Variants in AUTS2 observed in about 807,000 individuals in gnomAD.
AUTS2 encodes autism susceptibility gene 2 protein.
A neutral mutation model predicts 112.4 loss-of-function variants in AUTS2; 17 were observed. That is an observed-to-expected ratio of 0.15 (90% confidence interval 0.10 to 0.23). The LOEUF (loss-of-function observed/expected upper bound fraction) is 0.23, where lower values mean the gene tolerates loss of function less well. Ranked by LOEUF, AUTS2 falls within the 10% of genes least tolerant of loss-of-function variation. The probability of loss-of-function intolerance (pLI) is 1.00; values close to 1 mark genes in which losing one functional copy is unlikely to be tolerated. For synonymous variants in AUTS2, 751 were observed against 702.7 expected (o/e 1.07, Z -1.09); for missense variants, 1,510 against 1,701.6 (o/e 0.89, Z 1.98).
intron 4 of AUTS2, among the ~76,000 whole-genome samples, chr7:70,157,816 G>T (rs1807863222): frequency 6.6e-6 from 1 of 152,148 alleles, no homozygotes; most frequent in Non-Finnish European, 1.5e-5. Flanking sequence ...TGGGGACTTT[G>T]AAAATTCCAC....
At chr7:70,634,962 G>A (rs569081028) in intron 5 of AUTS2, among the ~76,000 whole-genome samples, 42 of 152,194 alleles carry the variant, frequency 2.8e-4, no homozygotes, top group African/African-American at 9.2e-4. Context: ...CTGAGTAACC[G>A]GAGCCTTGAA....
At chr7:69,821,693 C>T (rs1193848024) in intron 1 of AUTS2, among the ~76,000 whole-genome samples, 1 of 151,968 alleles carries the variant, frequency 6.6e-6, no homozygotes, top group Non-Finnish European at 1.5e-5. Flanking sequence ...CAACTCCAGA[C>T]GTGCCACCTT....
intron 11 of AUTS2, among the ~76,000 whole-genome samples, chr7:70,773,292 G>A (rs73704810): frequency 2.6e-3 from 394 of 152,250 alleles, no homozygotes; most frequent in African/African-American, 9.1e-3. Context: ...AAAATAGCTG[G>A]TGTCGTGTCC....
intron 5 of AUTS2, among the ~76,000 whole-genome samples, chr7:70,576,719 C>T (rs1802186047): frequency 6.6e-6 from 1 of 152,148 alleles, no homozygotes; most frequent in African/African-American, 2.4e-5. Flanking sequence ...TCCTTTTTCT[C>T]TAGATTGGCA....
Position 70,790,385 on chromosome 7 carries a change from G to A in AUTS2, c.3169G>A (p.Gly1057Ser), listed in dbSNP as rs1057522609. 1.2e-6 allele frequency: 2 copies of A among 1,613,692 alleles called. No individual in the cohort carries two copies. Among genetic ancestry groups the A allele is most frequent in the South Asian group, 2.2e-5 (2 of 91,030 alleles). Residue 1057 changes from glycine to serine, a missense_variant, in exon 19 of 19, where the codon GGC (glycine) becomes AGC (serine). By Grantham distance (56) the Gly-to-Ser change is moderately conservative. This residue lies in a region of AUTS2 where 788 missense variants were observed against 797.6 expected (regional missense o/e 0.99). Coordinates refer to ENST00000342771, the MANE Select transcript of AUTS2 (RefSeq NM_015570.4). The surrounding 1 kb of genome is among the most constrained non-coding windows in gnomAD (Gnocchi z 7.6). ...TPFMGISPLP[G>S]GERFPYPSFH... ...CTTCATGGGCATCAGCCCCCTCCCG[G>A]GCGGAGAGCGCTTCCCGTACCCTTC... is the stretch of plus-strand genomic sequence containing the variant.
chr7:70,246,975 G>A (rs1031899687), intron 4 of AUTS2, among the ~76,000 whole-genome samples: 69 of 151,176 alleles, frequency 4.6e-4, no homozygotes, highest in African/African-American at 1.7e-3. Flanking sequence ...ATTATAAATG[G>A]TGTCTTGAAA....
At chr7:70,717,552 C>A (rs1810448854) in intron 6 of AUTS2, among the ~76,000 whole-genome samples, 1 of 152,154 alleles carries the variant, frequency 6.6e-6, no homozygotes, top group African/African-American at 2.4e-5. Context: ...GGTGGAAGAG[C>A]ACTTGTCCCT....
chr7:69,657,680 T>C (rs1277530195), intron 1 of AUTS2, among the ~76,000 whole-genome samples: 3 of 152,212 alleles, frequency 2.0e-5, no homozygotes, highest in Non-Finnish European at 4.4e-5. Context: ...TAAAGGTAAC[T>C]TCTAACAATT....
intron 4 of AUTS2, among the ~76,000 whole-genome samples, chr7:70,248,693 T>G (rs1259799809): frequency 6.6e-6 from 1 of 152,196 alleles, no homozygotes; most frequent in Non-Finnish European, 1.5e-5. Flanking sequence ...TTTTTTCTTC[T>G]GCAATTTCAG....
At chr7:70,451,461 A>AT (rs978462018) in intron 5 of AUTS2, among the ~76,000 whole-genome samples, 63 of 151,496 alleles carry the variant, frequency 4.2e-4, no homozygotes, top group African/African-American at 1.5e-3. Flanking sequence ...ACATATCTTT[A>AT]TTTTTTCATT....
intron 4 of AUTS2, among the ~76,000 whole-genome samples, chr7:70,407,673 CT>C (rs1328962283): frequency 1.3e-5 from 2 of 151,972 alleles, no homozygotes; most frequent in Middle Eastern, 3.2e-3. Flanking sequence ...AATCCCAGCA[CT>C]TTGGGAGGCT....
intron 2 of AUTS2, among the ~76,000 whole-genome samples, chr7:70,112,991 C>T (rs1479427452): frequency 6.6e-6 from 1 of 151,880 alleles, no homozygotes. Context: ...ATATTTTTAA[C>T]GTTTAAATTT....
intron 4 of AUTS2, among the ~76,000 whole-genome samples, chr7:70,260,659 G>A (rs779264161): frequency 2.2e-4 from 33 of 151,984 alleles, no homozygotes; most frequent in Non-Finnish European, 2.9e-4. Flanking sequence ...GCATTTAAAC[G>A]ATAGCATATA....
At chr7:69,794,623 C>G (rs142603170) in intron 1 of AUTS2, among the ~76,000 whole-genome samples, 1 of 152,152 alleles carries the variant, frequency 6.6e-6, no homozygotes, top group East Asian at 1.9e-4. Flanking sequence ...CTTTATTAGG[C>G]ACTATTCATT....
chr7:70,339,408 C>T (rs1791153622), intron 4 of AUTS2, among the ~76,000 whole-genome samples: 1 of 152,166 alleles, frequency 6.6e-6, no homozygotes, highest in South Asian at 2.1e-4. Flanking sequence ...TTATTCAACA[C>T]AGAAATATAA....
chr7:70,750,645 G>A lies in AUTS2; in HGVS notation c.743-12225G>A, dbSNP rs192876855. Among the ~76,000 whole-genome samples the A allele has an allele frequency of 2.9e-3, 440 of 152,194 alleles. 1 individual carries two copies. Among genetic ancestry groups the A allele is most frequent in the African/African-American group, 9.8e-3 (408 of 41,548 alleles). On this transcript the variant is annotated intron_variant, in intron 6 of 18. Coordinates refer to ENST00000342771, the MANE Select transcript of AUTS2 (RefSeq NM_015570.4). ...TCAAACTCCTGGGCTCAAGTGATCC[G>A]CCCACTTTGGCCTCCCAAAGTGCTG...
At chr7:70,337,033 C>A (rs1791021559) in intron 4 of AUTS2, among the ~76,000 whole-genome samples, 1 of 152,192 alleles carries the variant, frequency 6.6e-6, no homozygotes, top group Admixed American at 6.5e-5. Flanking sequence ...ACTTAAAACT[C>A]AGCAGACACG....
chr7:69,672,794 A>C (rs180960046), intron 1 of AUTS2, among the ~76,000 whole-genome samples: 1 of 152,274 alleles, frequency 6.6e-6, no homozygotes, highest in African/African-American at 2.4e-5. Context: ...CCCTGTTGGC[A>C]TCTTCTCTTT....
At chr7:69,887,569 G>A (rs1280454426) in intron 1 of AUTS2, among the ~76,000 whole-genome samples, 1 of 152,146 alleles carries the variant, frequency 6.6e-6, no homozygotes, top group Non-Finnish European at 1.5e-5. Context: ...TACTTCTAGA[G>A]ACATTGTTCA....
Sources: gnomAD v4.1 joint callset for allele counts (sites outside exome capture counted in the v4.1 genomes callset) on GRCh38, gnomAD v4.1.1 for gene constraint, gnomAD v4.1.1 regional missense constraint, Gnocchi (gnomAD v3.1) non-coding constraint, MANE v1.5 for transcripts, NCBI Gene and HGNC (gene_info 2026-07-23, HGNC 2026-07-21) for gene names.